Variants in DHRS12 observed in about 807,000 individuals in gnomAD.
DHRS12 encodes dehydrogenase/reductase SDR family member 12.
A neutral mutation model predicts 32.1 loss-of-function variants in DHRS12; 29 were observed. The ratio of observed to expected loss-of-function variants is 0.90; its 90% CI spans 0.67 to 1.23. The LOEUF is 1.23. DHRS12 is among the 50% of genes most tolerant of loss of function. The pLI is 0.00. For missense variants in DHRS12, 330 were observed against 337.2 expected, an observed-to-expected ratio of 0.98 and a Z score of 0.17; for synonymous variants, 150 against 135.9, an observed-to-expected ratio of 1.10 and a Z score of -0.72.
chr13:51,767,966 A>G, downstream of DHRS12: 1 of 1,354,152 alleles, frequency 7.4e-7, no homozygotes, highest in South Asian at 1.9e-5. Flanking sequence ...ATGAGACTTA[A>G]AATAAGAAAA....
intron 1 of DHRS12, 185 bp downstream of exon 1, chr13:51,803,869 T>C: frequency 2.2e-6 from 1 of 455,430 alleles, no homozygotes; most frequent in Non-Finnish European, 3.5e-6. Context: ...GGCTGGAGTC[T>C]GGCGACTGCC....
At chr13:51,771,285 G>T (rs1462647163) in intron 7 of DHRS12, 1 of 1,557,750 alleles carries the variant, frequency 6.4e-7, no homozygotes, top group Non-Finnish European at 8.7e-7. Context: ...GAGAGCCCAG[G>T]TGAGCTGCCT....
rs562616967 is a variant in DHRS12 at position 51,802,685 on chromosome 13, G to A, written c.-9+1369C>T. Reference sequence around the variant, plus strand: ...TAAAAATCCTTGTGCCAAGAGAAACGTTGTAAACTCTAACTCCGCGCTCTC... The same window carrying A: ...TAAAAATCCTTGTGCCAAGAGAAACATTGTAAACTCTAACTCCGCGCTCTC... On this transcript the variant is annotated intron_variant, in intron 1 of 8. Transcript: ENST00000444610. Among the ~76,000 whole-genome samples, 7 of 152,230 alleles carry A rather than the reference G, an allele frequency of 4.6e-5. No homozygotes were observed. In the South Asian group the frequency reaches 6.2e-4, roughly 13 times the overall value.
At chr13:51,798,015 G>A in intron 2 of DHRS12, 1 of 1,151,920 alleles carries the variant, frequency 8.7e-7, no homozygotes, top group Non-Finnish European at 1.2e-6. Flanking sequence ...ACACTCTTCT[G>A]TTAAGCCTAG....
chr13:51,799,429 C>G, intron 2 of DHRS12, 105 bp downstream of exon 2: 2 of 1,521,252 alleles, frequency 1.3e-6, no homozygotes, highest in Non-Finnish European at 1.8e-6. Flanking sequence ...GGATCGCCGT[C>G]CAGGACTTCC....
At chr13:51,798,699 T>C (rs1955616956) in intron 2 of DHRS12, among the ~76,000 whole-genome samples, 1 of 151,156 alleles carries the variant, frequency 6.6e-6, no homozygotes, top group East Asian at 2.0e-4. Context: ...AATAGTCCCC[T>C]GAAAAATGCC....
intron 7 of DHRS12, among the ~76,000 whole-genome samples, chr13:51,769,504 C>T (rs1405493340): frequency 1.3e-5 from 2 of 152,172 alleles, no homozygotes; most frequent in Non-Finnish European, 2.9e-5. Flanking sequence ...GAAAGTGGTG[C>T]TCACCAGAGG....
Position 51,771,880 on chromosome 13 carries a change from G to A in DHRS12, c.500C>T (p.Ala167Val). Residue 167 changes from alanine to valine, a missense_variant, in exon 7 of 9, where the codon GCC (alanine) becomes GTC (valine). Coordinates refer to ENST00000444610, the MANE Select transcript of DHRS12 (RefSeq NM_001377533.1). ...AAAATGGATGGCCGGGTGCCCTTGG[G>A]CCCACCGCTCCGTCAGAACCACTTG... Reference protein sequence around the residue: ...RQQVVLTERWAQGHPAIHFSS... With the variant: ...RQQVVLTERWVQGHPAIHFSS... 6.2e-7 allele frequency: 1 copy of A among 1,614,150 alleles called. No individual in the cohort carries two copies. Among genetic ancestry groups the A allele is most frequent in the African/African-American group, 1.3e-5 (1 of 75,046 alleles).
chr13:51,792,095 A>T (rs1955300597), intron 2 of DHRS12, among the ~76,000 whole-genome samples: 1 of 152,162 alleles, frequency 6.6e-6, no homozygotes, highest in African/African-American at 2.4e-5. Context: ...CCTGATTTCA[A>T]TTCCCTTGGA....
chr13:51,765,692 G>A (rs1953724419), downstream of DHRS12: 1 of 152,188 alleles, frequency 6.6e-6, no homozygotes, highest in Non-Finnish European at 1.5e-5. Context: ...ATCATATCAA[G>A]TGAGTTGCTT....
At position 51,799,613 on chromosome 13, in the gene DHRS12, C is replaced by T. The variant is rs779745855; in HGVS notation, c.47G>A (p.Arg16Lys). ...TGACCAAAAAGACTCTTCCAGGAATCTGGACCTCCAAGTCATGAGGGACAA... is the reference window on the plus strand; with the variant it reads ...TGACCAAAAAGACTCTTCCAGGAATTTGGACCTCCAAGTCATGAGGGACAA... ...KTLSLMTWRSRFLEESFWSLE... is the reference protein window; with the variant it reads ...KTLSLMTWRSKFLEESFWSLE... Residue 16 changes from arginine (R) to lysine (K), a missense_variant, in exon 2 of 9, where the codon AGA (arginine) becomes AAA (lysine). Arg to Lys is a conservative substitution (Grantham distance 26). Transcript: ENST00000444610. The T allele has an allele frequency of 1.2e-6, 2 of 1,614,192 alleles. No individual in the cohort carries two copies. The highest frequency in any genetic ancestry group is 1.7e-6 in the Non-Finnish European group (2 of 1,180,032).
At chr13:51,756,525 C>G in the DHRS12 span, 2 of 1,548,196 alleles carry the variant, frequency 1.3e-6, no homozygotes, top group Non-Finnish European at 8.7e-7. Context: ...GAGCCTTGCA[C>G]TCAGCGCCGC....
At chr13:51,769,009 C>A in intron 8 of DHRS12, 147 bp downstream of exon 8, 1 of 1,432,594 alleles carries the variant, frequency 7.0e-7, no homozygotes, top group Non-Finnish European at 9.1e-7. Context: ...CCTCAGCAGG[C>A]AAAGCAATCA....
chr13:51,792,858 C>T (rs551010863), intron 2 of DHRS12, among the ~76,000 whole-genome samples: 13 of 151,582 alleles, frequency 8.6e-5, no homozygotes, highest in Non-Finnish European at 1.6e-4. Flanking sequence ...CATATGAATC[C>T]ACCCTATTCG....
At chr13:51,801,617 AT>A (rs371817641) in intron 1 of DHRS12, among the ~76,000 whole-genome samples, 11 of 152,236 alleles carry the variant, frequency 7.2e-5, no homozygotes, top group East Asian at 5.8e-4. Flanking sequence ...AAACTGGAAG[AT>A]TTTTTTCCCC....
At chr13:51,796,549 G>A (rs1955519614) in intron 2 of DHRS12, among the ~76,000 whole-genome samples, 1 of 152,100 alleles carries the variant, frequency 6.6e-6, no homozygotes, top group African/African-American at 2.4e-5. Flanking sequence ...TAAACATGGT[G>A]GAATTAGATA....
intron 2 of DHRS12, chr13:51,797,821 C>T: frequency 2.0e-6 from 3 of 1,534,898 alleles, no homozygotes; most frequent in South Asian, 1.2e-5. Flanking sequence ...TGAGGAGCTG[C>T]TCACCTGGTT....
intron 3 of DHRS12, among the ~76,000 whole-genome samples, 165 bp from the exon 4 acceptor site, chr13:51,790,257 C>A (rs192536207): frequency 1.3e-5 from 2 of 152,230 alleles, no homozygotes; most frequent in Admixed American, 1.3e-4. Context: ...CAGGAAAATA[C>A]CACTTGTGCA....
chr13:51,798,047 G>C, intron 2 of DHRS12: 1 of 823,278 alleles, frequency 1.2e-6, no homozygotes, highest in Non-Finnish European at 1.9e-6. Context: ...CCAGAGTTAA[G>C]AGCAGCAAGG....
Sources: allele counts gnomAD v4.1 joint callset (sites outside exome capture counted in the v4.1 genomes callset), GRCh38; gene constraint gnomAD v4.1.1; transcripts MANE v1.5; gene names NCBI Gene and HGNC (gene_info 2026-07-23, HGNC 2026-07-21).